The following B4GALT6 variants were observed in gnomAD, a reference collection of about 807,000 sequenced individuals.
B4GALT6 encodes the protein UDP-Gal:beta-GlcNAc beta-1,4-galactosyltransferase 6.
B4GALT6 carries 14 observed loss-of-function variants against 46.3 expected under a neutral mutation model. The observed-to-expected ratio is 0.30, with a 90% CI of 0.20 to 0.47. The LOEUF is 0.47. Ranked by LOEUF, B4GALT6 falls within the 20% of genes least tolerant of loss-of-function variation. The pLI is 0.99. For missense variants in B4GALT6, 386 were observed against 480.1 expected, an observed-to-expected ratio of 0.80 and a Z score of 1.83; for synonymous variants, 168 against 162.0, an observed-to-expected ratio of 1.04 and a Z score of -0.28.
intron 7 of B4GALT6, 52 bp from the exon 8 acceptor site, chr18:31,626,436 G>T: frequency 9.4e-7 from 1 of 1,064,254 alleles, no homozygotes; most frequent in South Asian, 1.5e-5. Context: ...ATATGAAAAT[G>T]GGTTATGTGA....
In B4GALT6 at chr18:31,634,478, C is replaced by T. The variant is rs141746912; in HGVS notation, c.589-3332G>A. Among the ~76,000 whole-genome samples the T allele has an allele frequency of 3.6e-3, 543 of 152,350 alleles. 5 individuals are homozygous for T. The highest frequency in any genetic ancestry group is 0.013 in the African/African-American group (522 of 41,580). ...TCTAGTCTTGTCACATCACCCTCTA[C>T]AAGCATGTGGGTTTGCACATCCTCT... On this transcript the variant is annotated intron_variant, in intron 5 of 8. Transcript: ENST00000306851.
the B4GALT6 span, among the ~76,000 whole-genome samples, chr18:31,695,379 C>T: frequency 6.6e-6 from 1 of 151,896 alleles, no homozygotes; most frequent in Non-Finnish European, 1.5e-5. Context: ...ATATTGTCCC[C>T]ACAGTCAGGG....
chr18:31,724,249 C>T, the B4GALT6 span: 1 of 349,802 alleles, frequency 2.9e-6, no homozygotes, highest in Non-Finnish European at 5.2e-6. Context: ...CAGTGCGCGG[C>T]GCCAGCGCTT....
At chr18:31,676,236 C>T (rs747657349) in intron 1 of B4GALT6, among the ~76,000 whole-genome samples, 2 of 152,110 alleles carry the variant, frequency 1.3e-5, no homozygotes, top group African/African-American at 4.8e-5. Flanking sequence ...CATATTAACA[C>T]TTGCCTCAAA....
chr18:31,654,640 AAAG>A (rs1460024643), intron 3 of B4GALT6, among the ~76,000 whole-genome samples: 1 of 152,202 alleles, frequency 6.6e-6, no homozygotes, highest in Non-Finnish European at 1.5e-5. Context: ...AGTAAAAATC[AAAG>A]AAGTTTACAA....
chr18:31,678,031 G>C (rs1200566844), intron 1 of B4GALT6, among the ~76,000 whole-genome samples: 1 of 152,190 alleles, frequency 6.6e-6, no homozygotes. Context: ...GCTTGAAAGG[G>C]AAAAGGAGTC....
intron 1 of B4GALT6, among the ~76,000 whole-genome samples, chr18:31,677,853 G>A (rs746379921): frequency 5.3e-5 from 8 of 152,104 alleles, no homozygotes; most frequent in South Asian, 2.1e-4. Flanking sequence ...GGTCCAAGGC[G>A]GCCAAGAAAA....
At position 31,622,640 on chromosome 18, in the gene B4GALT6, T is replaced by C. The variant is rs1286099225; in HGVS notation, c.*2974A>G. 6.6e-6 allele frequency: 1 copy of C among 152,066 alleles called. No individual in the cohort carries two copies. The highest frequency in any genetic ancestry group is 6.5e-5 in the Admixed American group (1 of 15,280). The allele number at this position is 152,066 out of a possible 1,614,324, so 9.4% of individuals were successfully genotyped here. A position where few individuals can be genotyped will look rare whatever the true frequency, so the allele number is the denominator to read the frequency against. On this transcript the variant is annotated 3_prime_UTR_variant, in exon 9 of 9. Transcript: ENST00000306851. ...CATTTTGTTTTAAAATATCAGTATCTTGGCTGGCAAAAGGGTATATAAGGA... is the reference window on the plus strand; with the variant it reads ...CATTTTGTTTTAAAATATCAGTATCCTGGCTGGCAAAAGGGTATATAAGGA...
In B4GALT6 at chr18:31,646,723, T is replaced by G. The variant is rs28678782; in HGVS notation, c.347-1244A>C. ...CTAGAGAGCCTCTTTGCTCCTGCTA[T>G]TCTATATTTTAGGAGTTTTCACAAT... is the stretch of plus-strand genomic sequence containing the variant. On this transcript the variant is annotated intron_variant, in intron 3 of 8. Coordinates refer to ENST00000306851, the MANE Select transcript of B4GALT6 (RefSeq NM_004775.5). Among the ~76,000 whole-genome samples, 1,227 of 152,330 alleles carry G rather than the reference T, an allele frequency of 8.1e-3. 12 individuals carry two copies. The highest frequency in any genetic ancestry group is 0.028 in the African/African-American group (1,152 of 41,572).
At chr18:31,632,779 T>C (rs1218780940) in intron 5 of B4GALT6, among the ~76,000 whole-genome samples, 1 of 152,244 alleles carries the variant, frequency 6.6e-6, no homozygotes, top group East Asian at 1.9e-4. Flanking sequence ...TACAGTTTTC[T>C]ATATAACTAT....
upstream of B4GALT6, chr18:31,686,313 T>G (rs1379679388): frequency 1.3e-5 from 2 of 152,222 alleles, no homozygotes; most frequent in Admixed American, 1.3e-4. Flanking sequence ...TGCTTTGCAA[T>G]GTGGAACCTG....
chr18:31,709,606 T>TA, the B4GALT6 span, among the ~76,000 whole-genome samples: 2 of 144,338 alleles, frequency 1.4e-5, 1 homozygote, highest in Non-Finnish European at 3.0e-5. Flanking sequence ...TGTGTGTGTA[T>TA]ATATATATCC....
At chr18:31,720,479 AG>A in the B4GALT6 span, among the ~76,000 whole-genome samples, 1 of 152,240 alleles carries the variant, frequency 6.6e-6, no homozygotes, top group Non-Finnish European at 1.5e-5. Flanking sequence ...CAACACCACA[AG>A]GTACAACTAA....
chr18:31,651,344 A>G (rs1254250196), intron 3 of B4GALT6, among the ~76,000 whole-genome samples: 2 of 152,116 alleles, frequency 1.3e-5, no homozygotes, highest in Non-Finnish European at 2.9e-5. Flanking sequence ...CAAGCATAGT[A>G]AGGTTTCAGC....
At chr18:31,700,839 G>T in the B4GALT6 span, among the ~76,000 whole-genome samples, 2,587 of 152,096 alleles carry the variant, frequency 0.017, 88 homozygotes, top group African/African-American at 0.059. Flanking sequence ...CTGGATCTCA[G>T]AGTGACGATG....
the B4GALT6 span, among the ~76,000 whole-genome samples, chr18:31,716,463 C>A: frequency 6.6e-6 from 1 of 152,216 alleles, no homozygotes; most frequent in African/African-American, 2.4e-5. Flanking sequence ...CTAGTTCATA[C>A]CCTGGAATTT....
At chr18:31,670,411 G>A (rs960330025) in intron 1 of B4GALT6, among the ~76,000 whole-genome samples, 1 of 116,380 alleles carries the variant, frequency 8.6e-6, no homozygotes, top group Non-Finnish European at 1.8e-5. Context: ...CCAAAAGAGT[G>A]CATTTACTAT....
chr18:31,671,951 G>C (rs888835166), intron 1 of B4GALT6, among the ~76,000 whole-genome samples: 2 of 152,198 alleles, frequency 1.3e-5, no homozygotes, highest in Non-Finnish European at 2.9e-5. Flanking sequence ...AACAGTTTAT[G>C]AAAGCTTTTG....
At chr18:31,653,427 CCTT>C (rs1368009444) in intron 3 of B4GALT6, among the ~76,000 whole-genome samples, 1 of 146,478 alleles carries the variant, frequency 6.8e-6, no homozygotes, top group Non-Finnish European at 1.5e-5. Flanking sequence ...ACATTCATAA[CCTT>C]TTTTCTTTTT....
Sources: gnomAD v4.1 joint callset for allele counts (sites outside exome capture counted in the v4.1 genomes callset) on GRCh38, gnomAD v4.1.1 for gene constraint, MANE v1.5 for transcripts, NCBI Gene and HGNC (gene_info 2026-07-23, HGNC 2026-07-21) for gene names.